Variants in ZNF407 observed in about 807,000 individuals in gnomAD.
The protein encoded by ZNF407 is zinc finger protein 407.
A neutral mutation model predicts 131.2 loss-of-function variants in ZNF407; 17 were observed. The observed-to-expected ratio is 0.13, with a 90% CI of 0.09 to 0.19. The LOEUF is 0.19. Among genes scored for constraint, ZNF407 ranks in the 10% least tolerant of loss-of-function variants. ZNF407 has a pLI of 1.00. For synonymous variants in ZNF407, 1,156 were observed against 1,062.0 expected, an observed-to-expected ratio of 1.09 and a Z score of -1.72; for missense variants, 2,681 against 2,830.6, an observed-to-expected ratio of 0.95 and a Z score of 1.20.
chr18:75,023,466 A>G (rs1973135553), intron 8 of ZNF407, among the ~76,000 whole-genome samples: 1 of 152,162 alleles, frequency 6.6e-6, no homozygotes, highest in Non-Finnish European at 1.5e-5. Context: ...CTAATAATGT[A>G]TCATATAAGT....
intron 3 of ZNF407, among the ~76,000 whole-genome samples, chr18:74,666,692 AC>A: frequency 6.6e-6 from 1 of 152,300 alleles, no homozygotes. Flanking sequence ...TTGCTGGGTA[AC>A]AAACTCCCAC....
chr18:74,976,796 T>C (rs1972533426), intron 8 of ZNF407, among the ~76,000 whole-genome samples: 1 of 152,208 alleles, frequency 6.6e-6, no homozygotes, highest in South Asian at 2.1e-4. Flanking sequence ...CATCCACACC[T>C]GCATTCTGTC....
At chr18:74,911,644 G>A (rs542198872) in intron 7 of ZNF407, among the ~76,000 whole-genome samples, 13 of 152,002 alleles carry the variant, frequency 8.6e-5, no homozygotes, top group Non-Finnish European at 1.6e-4. Flanking sequence ...TTCAATTTTC[G>A]GTTCTTTTAG....
At chr18:74,784,123 T>C (rs576505523) in intron 4 of ZNF407, among the ~76,000 whole-genome samples, 147 of 152,340 alleles carry the variant, frequency 9.6e-4, no homozygotes, top group African/African-American at 3.4e-3. Context: ...TGGGCACAAC[T>C]GTTCTCTAAA....
intron 8 of ZNF407, among the ~76,000 whole-genome samples, chr18:74,942,497 C>A (rs1972110670): frequency 1.3e-5 from 2 of 152,118 alleles, no homozygotes; most frequent in Non-Finnish European, 2.9e-5. Context: ...AGAACAGAAA[C>A]CCAAGACTTT....
At position 75,063,931 on chromosome 18, in the gene ZNF407, G is replaced by C. The variant is rs750129390; in HGVS notation, c.6210G>C (p.Glu2070Asp). The part of the protein sequence containing the change: ...VHPSAAMASQ[E>D]RAQVAFKKMV... ...CCTCAGCAGCCATGGCCTCTCAGGA[G>C]CGGGCACAGGTGGCCTTCAAGAAGA... is the stretch of plus-strand genomic sequence containing the variant. The change falls in exon 9 of 9, where the codon GAG becomes GAC. Residue 2070 changes from glutamate (E) to aspartate (D), a missense_variant. Physicochemically the swap from Glu to Asp is conservative, Grantham distance 45. This residue lies in a region of ZNF407 where 620 missense variants were observed against 583.1 expected (regional missense o/e 1.06). Coordinates refer to ENST00000299687, the MANE Select transcript of ZNF407 (RefSeq NM_017757.3). The surrounding 1 kb of genome is among the most constrained non-coding windows in gnomAD (Gnocchi z 6.6). 10 of 1,613,660 alleles carry C rather than the reference G, an allele frequency of 6.2e-6. No individual in the cohort carries two copies. The highest frequency in any genetic ancestry group is 1.3e-5 in the African/African-American group (1 of 74,916).
In ZNF407 at chr18:75,063,662, G is replaced by T. The variant is rs771724071; in HGVS notation, c.5941G>T (p.Ala1981Ser). Residue 1981 changes from alanine (A) to serine (S), a missense_variant, in exon 9 of 9, where the codon GCT becomes TCT. Physicochemically the swap from Ala to Ser is moderately conservative, Grantham distance 99. This residue lies in a region of ZNF407 where 620 missense variants were observed against 583.1 expected (regional missense o/e 1.06). Coordinates refer to ENST00000299687, the MANE Select transcript of ZNF407 (RefSeq NM_017757.3). The surrounding 1 kb of genome is among the most constrained non-coding windows in gnomAD (Gnocchi z 6.6). ...TTTAAACCTCTCGGAGGCTGGAGTC[G>T]CTCCCCCCGAGGCATCCTCAGCCCT... ...EILNLSEAGV[A>S]PPEASSALDA... The T allele has an allele frequency of 2.5e-6, 4 of 1,606,782 alleles. No individual in the cohort carries two copies. The African/African-American group carries it at 5.3e-5, about 21-fold the overall frequency.
chr18:74,870,160 T>C (rs1971067126), intron 4 of ZNF407, among the ~76,000 whole-genome samples: 1 of 152,206 alleles, frequency 6.6e-6, no homozygotes, highest in Admixed American at 6.5e-5. Context: ...AGAAGTTATT[T>C]TGACAAAAAG....
At chr18:74,836,373 T>TA (rs1389885045) in intron 4 of ZNF407, among the ~76,000 whole-genome samples, 1 of 152,240 alleles carries the variant, frequency 6.6e-6, no homozygotes, top group Non-Finnish European at 1.5e-5. Context: ...GGATGGGCTC[T>TA]ACCACTGTTT....
Position 74,635,486 on chromosome 18 carries a change from C to G in ZNF407, c.4467C>G (p.Val1489=), listed in dbSNP as rs950890990. 1.9e-6 allele frequency: 3 copies of G among 1,612,570 alleles called. No individual in the cohort carries two copies. The highest frequency in any genetic ancestry group is 2.5e-6 in the Non-Finnish European group (3 of 1,179,104). ...LPEGGATFKC[V]KCTEPFDSEQ... is the part of the protein sequence containing the mutation. ...AGGGAGGGGCCACCTTTAAATGTGT[C>G]AAGTGCACAGAGCCCTTTGATTCTG... Residue 1489 remains valine (V), a synonymous_variant, in exon 2 of 9, where the codon GTC becomes GTG. Coordinates refer to ENST00000299687, the MANE Select transcript of ZNF407 (RefSeq NM_017757.3). This position sits in a 1 kb window ranked among gnomAD's most constrained non-coding sequence, Gnocchi z 4.7.
intron 3 of ZNF407, among the ~76,000 whole-genome samples, chr18:74,665,329 C>G (rs1409298508): frequency 6.6e-6 from 1 of 152,198 alleles, no homozygotes; most frequent in Non-Finnish European, 1.5e-5. Flanking sequence ...AGAGCAGGGC[C>G]TTCACTTTCC....
chr18:74,697,832 T>TG (rs1210918875), intron 3 of ZNF407, among the ~76,000 whole-genome samples: 24 of 152,338 alleles, frequency 1.6e-4, no homozygotes, highest in African/African-American at 5.8e-4. Flanking sequence ...ATGTTAGAAT[T>TG]GCAATTTGCA....
chr18:74,632,282 C>G lies in ZNF407; in HGVS notation c.1263C>G (p.Leu421=). 6.2e-7 allele frequency: 1 copy of G among 1,613,850 alleles called. No homozygotes were observed. Among genetic ancestry groups the G allele is most frequent in the Non-Finnish European group, 8.5e-7 (1 of 1,179,870 alleles). The change falls in exon 2 of 9, where the codon CTC becomes CTG. Residue 421 remains leucine (L), a synonymous_variant. Transcript: ENST00000299687. ...GGCCAAGACCTGAGCGAAATATTCTCGTGTTGGGTAATAGCTTTCGTCGAC... is the reference window on the plus strand; with the variant it reads ...GGCCAAGACCTGAGCGAAATATTCTGGTGTTGGGTAATAGCTTTCGTCGAC... The part of the protein sequence containing the change: ...TSRPRPERNI[L]VLGNSFRRRS...
At chr18:74,660,761 G>T (rs1365698166) in intron 3 of ZNF407, among the ~76,000 whole-genome samples, 1 of 151,944 alleles carries the variant, frequency 6.6e-6, no homozygotes, top group Non-Finnish European at 1.5e-5. Flanking sequence ...AGACACACTG[G>T]GAAAAATTAT....
chr18:74,829,617 C>T (rs1970454960), intron 4 of ZNF407, among the ~76,000 whole-genome samples: 1 of 151,846 alleles, frequency 6.6e-6, no homozygotes, highest in Non-Finnish European at 1.5e-5. Flanking sequence ...GGAAATCTGC[C>T]CCAGGAATTA....
At position 74,657,933 on chromosome 18, in the gene ZNF407, T is replaced by TCTC. The variant is rs770738422; in HGVS notation, c.4802+16813_4802+16815dup. Among the ~76,000 whole-genome samples the TCTC allele has an allele frequency of 1.2e-4, 18 of 148,140 alleles. No homozygotes were observed. In the East Asian group the frequency reaches 2.9e-3, roughly 24 times the overall value. On this transcript the variant is annotated intron_variant, in intron 3 of 8. Transcript: ENST00000299687. Reference sequence around the variant, plus strand: ...TTCTTCTTCTTCTTCTTCTTCTTCTTCTCCCTCCTTTCTTTTTTCTCTTTC... The same window carrying TCTC: ...TTCTTCTTCTTCTTCTTCTTCTTCTTCTCCTCCCTCCTTTCTTTTTTCTCTTTC...
intron 8 of ZNF407, among the ~76,000 whole-genome samples, chr18:74,983,227 C>T (rs1972613627): frequency 6.6e-6 from 1 of 152,052 alleles, no homozygotes; most frequent in Non-Finnish European, 1.5e-5. Context: ...CTGTTTCACG[C>T]TTTATGGTCC....
At chr18:75,011,648 AC>A (rs1972975811) in intron 8 of ZNF407, among the ~76,000 whole-genome samples, 1 of 152,180 alleles carries the variant, frequency 6.6e-6, no homozygotes, top group African/African-American at 2.4e-5. Flanking sequence ...TTTTTGTTGA[AC>A]AAAAGAATGA....
intron 8 of ZNF407, among the ~76,000 whole-genome samples, chr18:75,060,655 G>A (rs564977002): frequency 3.3e-5 from 5 of 151,832 alleles, no homozygotes; most frequent in East Asian, 1.9e-4. Context: ...ACAGGCACCC[G>A]CCACCGCGCC....
Sources: gnomAD v4.1 joint callset for allele counts (sites outside exome capture counted in the v4.1 genomes callset) on GRCh38, gnomAD v4.1.1 for gene constraint, gnomAD v4.1.1 regional missense constraint, Gnocchi (gnomAD v3.1) non-coding constraint, MANE v1.5 for transcripts, NCBI Gene and HGNC (gene_info 2026-07-23, HGNC 2026-07-21) for gene names.